The following ZNF460 variants were observed in gnomAD, a reference collection of about 807,000 sequenced individuals.
ZNF460 encodes the protein zinc finger protein 272.
In ZNF460, 1 loss-of-function variant was observed where a neutral mutation model predicts 8.4. The observed-to-expected ratio is 0.12, with a 90% CI of 0.04 to 0.56. The LOEUF is 0.56. Ranked by LOEUF, ZNF460 falls within the 20% of genes least tolerant of loss-of-function variation. The pLI is 0.91. For synonymous variants in ZNF460, 262 were observed against 259.9 expected, an observed-to-expected ratio of 1.01 and a Z score of -0.08; for missense variants, 477 against 714.8, an observed-to-expected ratio of 0.67 and a Z score of 3.79.
At position 57,293,718 on chromosome 19, in the gene ZNF460, T is replaced by C. The variant is rs150753616; in HGVS notation, c.*1488T>C. ...CAGTGCCACAGAACACTACAACTTA[T>C]TCAAATGGAATCTTACTTGCTGTAA... On this transcript the variant is annotated 3_prime_UTR_variant, in exon 3 of 3. Transcript: ENST00000360338. The C allele has an allele frequency of 1.6e-4, 24 of 152,374 alleles. 1 individual carries two copies. In the East Asian group the frequency reaches 4.2e-3, roughly 27 times the overall value. The allele number at this position is 152,374 out of a possible 1,614,324, so 9.4% of individuals were successfully genotyped here.
upstream of ZNF460, chr19:57,280,052 T>A (rs1432884966): frequency 6.6e-6 from 1 of 152,282 alleles, no homozygotes; most frequent in African/African-American, 2.4e-5. Flanking sequence ...TGCTCATTTA[T>A]CCTTTTCTTC....
rs992012724 is a variant in ZNF460, at chr19:57,293,201, A to G, written c.*971A>G. 3 of 152,236 alleles carry G rather than the reference A, an allele frequency of 2.0e-5. No homozygotes were observed. Among genetic ancestry groups the G allele is most frequent in the Non-Finnish European group, 2.9e-5 (2 of 68,040 alleles). The allele number at this position is 152,236 out of a possible 1,614,324, so 9.4% of individuals were successfully genotyped here. On this transcript the variant is annotated 3_prime_UTR_variant, in exon 3 of 3. Transcript: ENST00000360338. ...AGTAAATAGTTCAAAATTCACCTCA[A>G]CAATTTTCTAGAGGTCAATTTGGAA...
rs2122895639 is a variant in ZNF460, at chr19:57,290,839, T to C, written c.298T>C (p.Ser100Pro). 3 of 1,614,154 alleles carry C rather than the reference T, an allele frequency of 1.9e-6. No homozygotes were observed. The highest frequency in any genetic ancestry group is 2.5e-6 in the Non-Finnish European group (3 of 1,180,034). Reference sequence around the variant, plus strand: ...GCAGGCCATGGATCAAGATGGGCCATCTGAAATGCAGGAATACTTTTTGAG... The same window carrying C: ...GCAGGCCATGGATCAAGATGGGCCACCTGAAATGCAGGAATACTTTTTGAG... ...LGQAMDQDGP[S>P]EMQEYFLRPG... The change falls in exon 3 of 3, where the codon TCT becomes CCT. Residue 100 changes from serine (S) to proline (P), a missense_variant. Physicochemically the swap from Ser to Pro is moderately conservative, Grantham distance 74. Coordinates refer to ENST00000360338, the MANE Select transcript of ZNF460 (RefSeq NM_006635.4).
chr19:57,284,995 T>C (rs2087869452), intron 2 of ZNF460, among the ~76,000 whole-genome samples: 1 of 151,980 alleles, frequency 6.6e-6, no homozygotes, highest in South Asian at 2.1e-4. Context: ...TTTGTATTTT[T>C]AGTAGAGAAG....
rs1882676699 is a variant in ZNF460 at position 57,292,272 on chromosome 19, C to T, written c.*42C>T. 3 of 1,541,908 alleles carry T rather than the reference C, an allele frequency of 1.9e-6. No homozygotes were observed. Among genetic ancestry groups the T allele is most frequent in the Non-Finnish European group, 2.6e-6 (3 of 1,139,996 alleles). On this transcript the variant is annotated 3_prime_UTR_variant, in exon 3 of 3. Coordinates refer to ENST00000360338, the MANE Select transcript of ZNF460 (RefSeq NM_006635.4). ...TTTTACGTACACTTCAGTCAACATC[C>T]AAGAATTCCTATTAGCGAAATAGTT...
chr19:57,286,102 G>T (rs1020674230), intron 2 of ZNF460, among the ~76,000 whole-genome samples: 1 of 152,168 alleles, frequency 6.6e-6, no homozygotes, highest in Non-Finnish European at 1.5e-5. Context: ...AAAGGCATAC[G>T]TTTGTTTCAT....
chr19:57,292,410 A>G lies in ZNF460; in HGVS notation c.*180A>G. 1.5e-6 allele frequency: 1 copy of G among 648,376 alleles called. No individual in the cohort carries two copies. The highest frequency in any genetic ancestry group is 2.6e-6 in the Non-Finnish European group (1 of 381,374). The allele number at this position is 648,376 out of a possible 1,614,324, so 40.2% of individuals were successfully genotyped here. On this transcript the variant is annotated 3_prime_UTR_variant, in exon 3 of 3. Coordinates refer to ENST00000360338, the MANE Select transcript of ZNF460 (RefSeq NM_006635.4). ...TCATCTCTGTGGGAAAACCTGTTTTAGATCATCATTTGTCATCTAAACAAT... is the reference window on the plus strand; with the variant it reads ...TCATCTCTGTGGGAAAACCTGTTTTGGATCATCATTTGTCATCTAAACAAT...
At chr19:57,282,505 G>T (rs1346323611) in intron 1 of ZNF460, among the ~76,000 whole-genome samples, 1 of 152,194 alleles carries the variant, frequency 6.6e-6, no homozygotes, top group Non-Finnish European at 1.5e-5. Flanking sequence ...ACCACGTCAG[G>T]TGATTCTTTG....
intron 2 of ZNF460, among the ~76,000 whole-genome samples, chr19:57,285,281 C>T (rs2087871290): frequency 6.6e-6 from 1 of 152,162 alleles, no homozygotes; most frequent in East Asian, 1.9e-4. Flanking sequence ...AGCCAGGCCC[C>T]CCTGTGGCAC....
In ZNF460 at chr19:57,291,762, C is replaced by T. The variant is rs1696078719; in HGVS notation, c.1221C>T (p.Leu407=). The part of the protein sequence containing the change: ...CGKAFSIRKD[L]IRHFNIHTGE... ...AAGCCTTTAGCATTCGAAAAGACCT[C>T]ATTCGACACTTCAACATCCACACTG... Residue 407 remains leucine (L), a synonymous_variant, in exon 3 of 3, where the codon CTC becomes CTT. Coordinates refer to ENST00000360338, the MANE Select transcript of ZNF460 (RefSeq NM_006635.4). The surrounding 1 kb of genome is among the most constrained non-coding windows in gnomAD (Gnocchi z 8.4). The T allele has an allele frequency of 1.2e-6, 2 of 1,614,188 alleles. No homozygotes were observed. Among genetic ancestry groups the T allele is most frequent in the Non-Finnish European group, 1.7e-6 (2 of 1,180,040 alleles).
intron 2 of ZNF460, 95 bp downstream of exon 2, chr19:57,284,772 G>A (rs1191645629): frequency 1.5e-6 from 2 of 1,329,564 alleles, no homozygotes; most frequent in Non-Finnish European, 2.0e-6. Flanking sequence ...AGTGGAATAG[G>A]TCTTGGGAGC....
In ZNF460 at chr19:57,292,749, A is replaced by G. The variant is rs79840013; in HGVS notation, c.*519A>G. On this transcript the variant is annotated 3_prime_UTR_variant, in exon 3 of 3. Coordinates refer to ENST00000360338, the MANE Select transcript of ZNF460 (RefSeq NM_006635.4). ...CTCATCCCCTTTATTTTCCCTGTGT[A>G]TACATTCACTGCTGTCCAGTGCTGT... The G allele has an allele frequency of 1.0e-3, 164 of 158,976 alleles. No homozygotes were observed. Among genetic ancestry groups the G allele is most frequent in the Non-Finnish European group, 1.9e-3 (135 of 71,630 alleles). 9.8% of individuals were successfully genotyped at this position (158,976 alleles called of 1,614,324 possible).
chr19:57,292,096 C>G lies in ZNF460; in HGVS notation c.1555C>G (p.Leu519Val), dbSNP rs778018206. The G allele has an allele frequency of 1.2e-6, 2 of 1,614,190 alleles. No individual in the cohort carries two copies. The highest frequency in any genetic ancestry group is 1.7e-6 in the Non-Finnish European group (2 of 1,180,030). ...GAACGTTTCTTGTGAGAGCACAGATCTCATTCAACACTCCATCATCCACAC... is the reference window on the plus strand; with the variant it reads ...GAACGTTTCTTGTGAGAGCACAGATGTCATTCAACACTCCATCATCCACAC... ...SGNVSCESTD[L>V]IQHSIIHTES... Residue 519 changes from leucine to valine, a missense_variant, in exon 3 of 3, where the codon CTC becomes GTC. Transcript: ENST00000360338.
In ZNF460 at chr19:57,284,674, C is replaced by T; in HGVS notation, c.154C>T (p.Leu52=). Residue 52 remains leucine, a synonymous_variant, in exon 2 of 3, where the codon CTG becomes TTG. Transcript: ENST00000360338. Reference sequence around the variant, plus strand: ...GGAGACCTGTGGGCTTCTGGTCGCACTGGGTAAGGCCTGTCCTCTCCTCTC... The same window carrying T: ...GGAGACCTGTGGGCTTCTGGTCGCATTGGGTAAGGCCTGTCCTCTCCTCTC... ...MLETCGLLVA[L]GDSTKPETVE... The T allele has an allele frequency of 6.2e-7, 1 of 1,608,374 alleles. No individual in the cohort carries two copies. The highest frequency in any genetic ancestry group is 1.1e-5 in the South Asian group (1 of 90,400).
rs1453215796 is a variant in ZNF460, at chr19:57,280,761, C to A, written c.-46C>A. 6.2e-7 allele frequency: 1 copy of A among 1,612,772 alleles called. No individual in the cohort carries two copies. The highest frequency in any genetic ancestry group is 1.3e-5 in the African/African-American group (1 of 74,928). The stretch of plus-strand genomic sequence containing the variant: ...GAAAGTCAGCCGAGGTCGCCCCGCC[C>A]AGGACAGAGAAGGGCTGTGGTCGGC... On this transcript the variant is annotated 5_prime_UTR_variant, in exon 1 of 3. Coordinates refer to ENST00000360338, the MANE Select transcript of ZNF460 (RefSeq NM_006635.4).
At position 57,293,823 on chromosome 19, in the gene ZNF460, A is replaced by G. The variant is rs2087936147; in HGVS notation, c.*1593A>G. On this transcript the variant is annotated 3_prime_UTR_variant, in exon 3 of 3. Transcript: ENST00000360338. ...TGGTTACCACCATTCTCAACCTTTT[A>G]TGCTTGCATATGAGTAGAAACATGG... The G allele has an allele frequency of 6.6e-6, 1 of 152,100 alleles. No homozygotes were observed. Among genetic ancestry groups the G allele is most frequent in the South Asian group, 2.1e-4 (1 of 4,826 alleles). 9.4% of individuals were successfully genotyped at this position (152,100 alleles called of 1,614,324 possible). A position where few individuals can be genotyped will look rare whatever the true frequency, so the allele number is the denominator to read the frequency against.
chr19:57,283,883 G>C (rs2087860195), intron 1 of ZNF460, among the ~76,000 whole-genome samples: 1 of 152,070 alleles, frequency 6.6e-6, no homozygotes, highest in Admixed American at 6.6e-5. Flanking sequence ...AGGTCCCCAA[G>C]GTCACATAGC....
rs767499803 is a variant in ZNF460 at position 57,293,293 on chromosome 19, A to G, written c.*1063A>G. The G allele has an allele frequency of 1.4e-4, 21 of 152,210 alleles. No individual in the cohort carries two copies. The highest frequency in any genetic ancestry group is 2.9e-4 in the Non-Finnish European group (20 of 68,032). 9.4% of individuals were successfully genotyped at this position (152,210 alleles called of 1,614,324 possible). A position where few individuals can be genotyped will look rare whatever the true frequency, so the allele number is the denominator to read the frequency against. On this transcript the variant is annotated 3_prime_UTR_variant, in exon 3 of 3. Coordinates refer to ENST00000360338, the MANE Select transcript of ZNF460 (RefSeq NM_006635.4). ...ATTATGATAAACTCAGAAAATAAAC[A>G]CAGAGAAGGAATCTCATTTTTCAGT...
At chr19:57,289,498 C>T (rs1489040586) in intron 2 of ZNF460, among the ~76,000 whole-genome samples, 2 of 152,148 alleles carry the variant, frequency 1.3e-5, no homozygotes, top group Non-Finnish European at 2.9e-5. Context: ...GGGAAGCCTC[C>T]TTGACCTCTT....
Sources: allele counts gnomAD v4.1 joint callset (sites outside exome capture counted in the v4.1 genomes callset), GRCh38; gene constraint gnomAD v4.1.1; non-coding constraint Gnocchi (gnomAD v3.1); transcripts MANE v1.5; gene names NCBI Gene and HGNC (gene_info 2026-07-23, HGNC 2026-07-21).